The following EYA2 variants were observed in gnomAD, a reference collection of about 807,000 sequenced individuals.
EYA2 encodes protein phosphatase EYA2.
A neutral mutation model predicts 69.2 loss-of-function variants in EYA2; 31 were observed. The ratio of observed to expected loss-of-function variants is 0.45; its 90% confidence interval spans 0.34 to 0.60. The LOEUF is 0.60. Among genes scored for constraint, EYA2 ranks in the 20% least tolerant of loss-of-function variants. The pLI is 0.02. For missense variants in EYA2, 622 were observed against 701.2 expected (o/e 0.89, Z 1.28); for synonymous variants, 257 against 279.4 (o/e 0.92, Z 0.80).
chr20:47,023,460 G>T (rs967979600), intron 5 of EYA2, among the ~76,000 whole-genome samples: 1 of 151,876 alleles, frequency 6.6e-6, no homozygotes. Context: ...CATCAAATTT[G>T]GAAATTTTTC....
intron 15 of EYA2, 92 bp from the exon 16 acceptor site, chr20:47,187,961 G>A: frequency 7.4e-7 from 1 of 1,351,164 alleles, no homozygotes; most frequent in Non-Finnish European, 1.0e-6. Flanking sequence ...AGACTTAACT[G>A]GGTTGACTTC....
intron 5 of EYA2, among the ~76,000 whole-genome samples, chr20:47,070,615 A>G (rs1263437301): frequency 6.6e-6 from 1 of 152,236 alleles, no homozygotes; most frequent in Non-Finnish European, 1.5e-5. Context: ...ATTATCCATA[A>G]TAGCCCAATA....
At chr20:47,170,520 G>A (rs12625968) in intron 11 of EYA2, among the ~76,000 whole-genome samples, 85,388 of 151,450 alleles carry the variant, frequency 0.56, 26,240 homozygotes, top group African/African-American at 0.83. Context: ...GGTGGCGGGC[G>A]CCTGTAATCC....
intron 7 of EYA2, among the ~76,000 whole-genome samples, chr20:47,075,846 C>T (rs1261219719): frequency 6.6e-6 from 1 of 152,170 alleles, no homozygotes; most frequent in Non-Finnish European, 1.5e-5. Context: ...CAGTCCTCAC[C>T]TTCCTTCCAT....
chr20:47,085,836 G>T lies in EYA2; in HGVS notation c.662-3403G>T, dbSNP rs570391485. On this transcript the variant is annotated intron_variant, in intron 7 of 15. Coordinates refer to ENST00000327619, the MANE Select transcript of EYA2 (RefSeq NM_005244.5). ...GCAGTTTAGTGGTTTTCTGGGGAGG[G>T]TAACTGGAGGAAGAGCTTATCCAAA... Among the ~76,000 whole-genome samples, 3 of 152,288 alleles carry T rather than the reference G, an allele frequency of 2.0e-5. No individual in the cohort carries two copies. The East Asian group carries it at 5.8e-4, about 29-fold the overall frequency.
At position 46,971,080 on chromosome 20, in the gene EYA2, TAC is replaced by T. The variant is rs148380754; in HGVS notation, c.-10-18895_-10-18894del. ...TTTTTGAAATTCTCCATAAAGTTGC[TAC>T]ACACACACACACACACACACACACA... On this transcript the variant is annotated intron_variant, in intron 1 of 15. Transcript: ENST00000327619. 1.2e-3 allele frequency among the ~76,000 whole-genome samples: 176 copies of T among 147,242 alleles called. 1 individual carries two copies. The highest frequency in any genetic ancestry group is 3.3e-3 in the African/African-American group (132 of 39,858).
intron 1 of EYA2, among the ~76,000 whole-genome samples, chr20:46,946,052 C>T (rs1028858166): frequency 2.0e-5 from 3 of 152,138 alleles, no homozygotes; most frequent in Non-Finnish European, 2.9e-5. Flanking sequence ...AAGTACTGAC[C>T]TCAGGATCTG....
chr20:46,900,940 T>A (rs1168779892), intron 1 of EYA2, among the ~76,000 whole-genome samples: 1 of 152,218 alleles, frequency 6.6e-6, no homozygotes, highest in African/African-American at 2.4e-5. Flanking sequence ...GCGCTTGAAG[T>A]GCATAAATAA....
intron 4 of EYA2, among the ~76,000 whole-genome samples, chr20:47,012,009 G>GT (rs1338131648): frequency 2.0e-5 from 3 of 152,142 alleles, no homozygotes; most frequent in African/African-American, 7.2e-5. Flanking sequence ...GTTTTTACTT[G>GT]TTTTTCTGCT....
intron 7 of EYA2, 62 bp downstream of exon 7, chr20:47,074,397 G>A: frequency 6.5e-7 from 1 of 1,547,664 alleles, no homozygotes. Context: ...ATGAAGGAGG[G>A]ACCCGCACAT....
intron 1 of EYA2, among the ~76,000 whole-genome samples, chr20:46,943,791 C>A (rs1037916175): frequency 6.6e-6 from 1 of 152,152 alleles, no homozygotes; most frequent in African/African-American, 2.4e-5. Flanking sequence ...GGAAACTTAC[C>A]CCATGTTTTG....
chr20:46,898,747 T>A (rs1453282277), intron 1 of EYA2, among the ~76,000 whole-genome samples: 1 of 152,126 alleles, frequency 6.6e-6, no homozygotes, highest in African/African-American at 2.4e-5. Flanking sequence ...CAGACCCACT[T>A]GTGTTATTGT....
At chr20:47,153,227 A>G (rs554320843) in intron 10 of EYA2, among the ~76,000 whole-genome samples, 125 of 152,182 alleles carry the variant, frequency 8.2e-4, no homozygotes, top group African/African-American at 3.0e-3. Context: ...ACTTTGTTAA[A>G]TGTATGGCTT....
chr20:47,156,089 T>TACACACACACACACACAC lies in EYA2; in HGVS notation c.978+12963_978+12980dup, dbSNP rs748282079. On this transcript the variant is annotated intron_variant, in intron 10 of 15. Coordinates refer to ENST00000327619, the MANE Select transcript of EYA2 (RefSeq NM_005244.5). ...ACACACACACACACATATATATACA[T>TACACACACACACACACAC]ACACACACACACACACACACACACA... Among the ~76,000 whole-genome samples the TACACACACACACACACAC allele has an allele frequency of 7.4e-4, 23 of 30,958 alleles. 1 individual carries two copies. The highest frequency in any genetic ancestry group is 1.3e-3 in the Non-Finnish European group (20 of 15,644). The allele number at this position is 30,958 out of a possible 152,430, so 20.3% of individuals were successfully genotyped here. A position where few individuals can be genotyped will look rare whatever the true frequency, so the allele number is the denominator to read the frequency against.
intron 8 of EYA2, among the ~76,000 whole-genome samples, chr20:47,094,184 T>A (rs2032177925): frequency 6.6e-6 from 1 of 152,174 alleles, no homozygotes; most frequent in African/African-American, 2.4e-5. Flanking sequence ...ATTTAATGGA[T>A]AAAGTAAGGG....
intron 1 of EYA2, among the ~76,000 whole-genome samples, chr20:46,908,870 CTTTTTTTT>C (rs56834738): frequency 0.037 from 1,767 of 47,306 alleles, 75 homozygotes; most frequent in East Asian, 0.27. Context: ...CTCTCCCGCA[CTTTTTTTT>C]TTTTTTTTTT....
At chr20:46,978,537 GAT>G in intron 1 of EYA2, 2 of 534,454 alleles carry the variant, frequency 3.7e-6, no homozygotes, top group South Asian at 1.4e-5. Flanking sequence ...GCTGGAATCA[GAT>G]ATTGGACAAG....
At chr20:46,957,103 A>G (rs1043195621) in intron 1 of EYA2, among the ~76,000 whole-genome samples, 4 of 152,244 alleles carry the variant, frequency 2.6e-5, no homozygotes, top group African/African-American at 9.6e-5. Context: ...TAAAGCAGTT[A>G]CAACAGGGCC....
chr20:46,933,315 G>A (rs528097186), intron 1 of EYA2, among the ~76,000 whole-genome samples: 1 of 152,302 alleles, frequency 6.6e-6, no homozygotes, highest in Non-Finnish European at 1.5e-5. Flanking sequence ...AGACAGCTGG[G>A]GCAGGAGGAG....
Sources: allele counts gnomAD v4.1 joint callset (sites outside exome capture counted in the v4.1 genomes callset), GRCh38; gene constraint gnomAD v4.1.1; transcripts MANE v1.5; gene names NCBI Gene and HGNC (gene_info 2026-07-23, HGNC 2026-07-21).